MYO1E: variants seen among roughly 807,000 people sequenced by gnomAD.
MYO1E encodes the protein myosin IE, also known as unconventional myosin-Ie.
MYO1E carries 68 observed loss-of-function variants against 151.1 expected under a neutral mutation model. The observed-to-expected ratio is 0.45, with a 90% CI of 0.37 to 0.55. MYO1E has a LOEUF of 0.55. Ranked by LOEUF, MYO1E falls within the 20% of genes least tolerant of loss-of-function variation. MYO1E has a pLI of 0.00. For missense variants in MYO1E, 1,363 were observed against 1,389.3 expected (o/e 0.98, Z 0.30); for synonymous variants, 601 against 501.7 (o/e 1.20, Z -2.64).
chr15:59,157,498 T>C (rs2079515573), intron 25 of MYO1E, among the ~76,000 whole-genome samples: 2 of 152,174 alleles, frequency 1.3e-5, no homozygotes, highest in Admixed American at 1.3e-4. Flanking sequence ...GAATGAACAA[T>C]TCCTAAGGCT....
intron 22 of MYO1E, 96 bp from the exon 23 acceptor site, chr15:59,163,399 G>C: frequency 3.1e-6 from 4 of 1,273,776 alleles, no homozygotes; most frequent in Non-Finnish European, 4.4e-6. Context: ...CTGCAAGATA[G>C]TGCTAAGATT....
intron 13 of MYO1E, among the ~76,000 whole-genome samples, chr15:59,210,032 T>G (rs1046327272): frequency 7.2e-5 from 11 of 151,842 alleles, no homozygotes; most frequent in Admixed American, 5.9e-4. Context: ...AATTTTTGTA[T>G]TAGCTAAATT....
chr15:59,332,158 A>G (rs78360264), intron 1 of MYO1E, among the ~76,000 whole-genome samples: 8,167 of 152,310 alleles, frequency 0.054, 265 homozygotes, highest in Non-Finnish European at 0.082. Flanking sequence ...GAAATAGATA[A>G]TGTAGACATT....
At chr15:59,369,563 GAT>G (rs1491346115) in intron 1 of MYO1E, among the ~76,000 whole-genome samples, 13 of 152,112 alleles carry the variant, frequency 8.5e-5, no homozygotes, top group Non-Finnish European at 1.5e-4. Flanking sequence ...AGTCAACAGA[GAT>G]TTTTTTGTAC....
intron 1 of MYO1E, among the ~76,000 whole-genome samples, chr15:59,275,176 T>C (rs2080310957): frequency 1.3e-5 from 2 of 152,182 alleles, no homozygotes; most frequent in African/African-American, 4.8e-5. Context: ...CATACATGAA[T>C]GACTGACTTA....
At chr15:59,170,026 T>A (rs1348783310) in intron 22 of MYO1E, among the ~76,000 whole-genome samples, 1 of 152,096 alleles carries the variant, frequency 6.6e-6, no homozygotes, top group Non-Finnish European at 1.5e-5. Flanking sequence ...CCAGGGGTGG[T>A]GGCTCAGGCC....
chr15:59,236,633 A>G lies in MYO1E; in HGVS notation c.372T>C (p.Tyr124=), dbSNP rs762245983. Residue 124 remains tyrosine (Y), a synonymous_variant, in exon 5 of 28, where the codon TAT becomes TAC. Coordinates refer to ENST00000288235, the MANE Select transcript of MYO1E (RefSeq NM_004998.4). ...ACACTCTGGAGATGTAGCTCATGAT[A>G]TATTTGGCAGCCACTGTTTTTCCAG... The part of the protein sequence containing the change: ...SGAGKTVAAK[Y]IMSYISRVSG... 8.1e-6 allele frequency: 13 copies of G among 1,613,884 alleles called. No homozygotes were observed. The African/African-American group carries it at 9.3e-5, about 12-fold the overall frequency.
chr15:59,371,605 T>C (rs6494103), intron 1 of MYO1E, among the ~76,000 whole-genome samples: 11,790 of 151,728 alleles, frequency 0.078, 1,008 homozygotes, highest in African/African-American at 0.22. Context: ...AAGTCACAAG[T>C]CAAAGAGGCG....
At chr15:59,142,000 G>C (rs1265010063) in intron 26 of MYO1E, among the ~76,000 whole-genome samples, 12 of 151,706 alleles carry the variant, frequency 7.9e-5, no homozygotes, top group African/African-American at 2.9e-4. Context: ...CCAGCTATTC[G>C]GGAGGCTGAG....
At chr15:59,249,008 C>G (rs1365340596) in intron 4 of MYO1E, among the ~76,000 whole-genome samples, 1 of 152,194 alleles carries the variant, frequency 6.6e-6, no homozygotes, top group Admixed American at 6.5e-5. Flanking sequence ...GCAAGTCAGT[C>G]TACCCAAGGC....
At chr15:59,354,692 G>C (rs1388042900) in intron 1 of MYO1E, among the ~76,000 whole-genome samples, 1 of 152,158 alleles carries the variant, frequency 6.6e-6, no homozygotes, top group Non-Finnish European at 1.5e-5. Flanking sequence ...TGGTGAATTT[G>C]GTTTCCATTT....
intron 1 of MYO1E, among the ~76,000 whole-genome samples, chr15:59,302,411 G>A (rs1406554325): frequency 6.6e-6 from 1 of 152,206 alleles, no homozygotes; most frequent in Non-Finnish European, 1.5e-5. Flanking sequence ...GACAAGGCCA[G>A]TATTTAGAAG....
intron 14 of MYO1E, among the ~76,000 whole-genome samples, 185 bp from the exon 15 acceptor site, chr15:59,205,670 A>C (rs1303993093): frequency 6.6e-6 from 1 of 152,192 alleles, no homozygotes; most frequent in African/African-American, 2.4e-5. Context: ...TGTCACAGGA[A>C]GGCTGTGCAC....
rs1421945605 is a variant in MYO1E at position 59,134,657 on chromosome 15, G to A, written c.*2723C>T. The A allele has an allele frequency of 6.6e-6, 1 of 152,204 alleles. No individual in the cohort carries two copies. Among genetic ancestry groups the A allele is most frequent in the African/African-American group, 2.4e-5 (1 of 41,436 alleles). 9.4% of individuals were successfully genotyped at this position (152,204 alleles called of 1,614,324 possible). A position where few individuals can be genotyped will look rare whatever the true frequency, so the allele number is the denominator to read the frequency against. ...TGGTTACTTAAAACCTTTGGTTGAA[G>A]GGATGTCACATTTTTATACTGTGTT... On this transcript the variant is annotated 3_prime_UTR_variant, in exon 28 of 28. Transcript: ENST00000288235.
intron 1 of MYO1E, among the ~76,000 whole-genome samples, chr15:59,319,425 A>G (rs1403147907): frequency 2.0e-5 from 3 of 152,068 alleles, no homozygotes; most frequent in Admixed American, 1.3e-4. Flanking sequence ...AAAATAATGC[A>G]ATTGCCCTGA....
At chr15:59,262,039 TAAA>T (rs2080227115) in intron 2 of MYO1E, among the ~76,000 whole-genome samples, 1 of 151,900 alleles carries the variant, frequency 6.6e-6, no homozygotes, top group South Asian at 2.1e-4. Context: ...CCGTCTCTAC[TAAA>T]AATACAAAAA....
chr15:59,202,781 G>C (rs1400173216), intron 15 of MYO1E, among the ~76,000 whole-genome samples: 1 of 152,114 alleles, frequency 6.6e-6, no homozygotes, highest in Non-Finnish European at 1.5e-5. Flanking sequence ...TCGCTCTACT[G>C]CCCAGGTTGG....
chr15:59,216,643 A>AGTGTGTGTGTGTGTGTGTGTGTGTGTGT (rs1301548766), intron 10 of MYO1E, among the ~76,000 whole-genome samples: 4,998 of 43,136 alleles, frequency 0.12, 1,273 homozygotes, highest in Middle Eastern at 0.21. Context: ...AAGGGCCCCC[A>AGTGTGTGTGTGTGTGTGTGTGTGTGTGT]GTGTGTGTGT....
chr15:59,233,107 CTTT>C (rs1261292616), intron 5 of MYO1E, among the ~76,000 whole-genome samples: 2 of 8,782 alleles, frequency 2.3e-4, no homozygotes, highest in Non-Finnish European at 5.7e-4. Flanking sequence ...TTCATTAACT[CTTT>C]CTATCTTTTT....
Sources: allele counts gnomAD v4.1 joint callset (sites outside exome capture counted in the v4.1 genomes callset), GRCh38; gene constraint gnomAD v4.1.1; transcripts MANE v1.5; gene names NCBI Gene and HGNC (gene_info 2026-07-23, HGNC 2026-07-21).